Variants in CHM observed in about 807,000 individuals in gnomAD.
CHM encodes the protein rab proteins geranylgeranyltransferase component A 1.
In CHM, 10 loss-of-function variants were observed where a neutral mutation model predicts 49.0. That is an observed-to-expected ratio of 0.20 (90% CI 0.13 to 0.35). The LOEUF (loss-of-function observed/expected upper bound fraction) is 0.35. Among genes scored for constraint, CHM ranks in the 10% least tolerant of loss-of-function variants. The pLI, the probability that CHM is intolerant of heterozygous loss-of-function variation, is 1.00. For missense variants in CHM, 455 were observed against 478.4 expected, an observed-to-expected ratio of 0.95 and a Z score of 0.46; for synonymous variants, 184 against 167.5, an observed-to-expected ratio of 1.10 and a Z score of -0.76.
chrX:85,997,281 T>A (rs1932483361), intron 2 of CHM, among the ~76,000 whole-genome samples: 1 of 111,331 alleles, frequency 9.0e-6, no homozygotes, highest in South Asian at 3.8e-4. Context: ...CAGTTTATAA[T>A]ATAAAATTTG....
intron 1 of CHM, among the ~76,000 whole-genome samples, chrX:86,045,059 A>G (rs1245145902): frequency 8.9e-6 from 1 of 112,348 alleles, no homozygotes; most frequent in African/African-American, 3.2e-5. Context: ...ATTATCTTCC[A>G]TGATTATACT....
At chrX:85,887,625 C>T (rs985690302) in intron 12 of CHM, among the ~76,000 whole-genome samples, 1 of 111,226 alleles carries the variant, frequency 9.0e-6, no homozygotes, top group Non-Finnish European at 1.9e-5. Flanking sequence ...CAGAAGAAGA[C>T]AGGAAAATGT....
chrX:86,016,843 C>T (rs185747526), intron 2 of CHM, among the ~76,000 whole-genome samples: 36 of 111,728 alleles, frequency 3.2e-4, no homozygotes, highest in African/African-American at 1.0e-3. Context: ...ACAGCTTGCA[C>T]GTTCACCTGG....
At chrX:86,025,116 A>G (rs1933751359) in intron 2 of CHM, among the ~76,000 whole-genome samples, 1 of 111,424 alleles carries the variant, frequency 9.0e-6, no homozygotes, top group Admixed American at 9.6e-5. Flanking sequence ...GATGTGGGAG[A>G]ATCAATACCT....
Position 85,930,731 on chromosome X carries a change from C to T in CHM, c.1167-19393G>A, listed in dbSNP as rs151299760. Among the ~76,000 whole-genome samples, 883 of 111,665 alleles carry T rather than the reference C, an allele frequency of 7.9e-3. 6 individuals carry two copies. Among genetic ancestry groups the T allele is most frequent in the African/African-American group, 0.026 (808 of 30,778 alleles). On this transcript the variant is annotated intron_variant, in intron 8 of 14. Transcript: ENST00000357749. ...ACAAAGAGACAGAGAGACGCTTTCC[C>T]ATAACTTAATTTCTCCAACTTATGG...
intron 1 of CHM, among the ~76,000 whole-genome samples, chrX:86,040,922 T>C (rs1934432080): frequency 8.9e-6 from 1 of 112,278 alleles, no homozygotes; most frequent in Non-Finnish European, 1.9e-5. Flanking sequence ...TTAGCCTATT[T>C]TACTTTTAAA....
intron 1 of CHM, among the ~76,000 whole-genome samples, chrX:86,036,597 T>C (rs1934254987): frequency 8.9e-6 from 1 of 111,766 alleles, no homozygotes; most frequent in South Asian, 3.8e-4. Context: ...GTATTCTCTA[T>C]AGAATGTGGA....
At chrX:85,935,344 G>T (rs1928719019) in intron 8 of CHM, among the ~76,000 whole-genome samples, 1 of 111,406 alleles carries the variant, frequency 9.0e-6, no homozygotes, top group Non-Finnish European at 1.9e-5. Flanking sequence ...AACACTGGGG[G>T]ATCAAATTTC....
chrX:85,973,462 T>G (rs1017271983), intron 4 of CHM, among the ~76,000 whole-genome samples: 1 of 110,567 alleles, frequency 9.0e-6, no homozygotes, highest in Non-Finnish European at 1.9e-5. Flanking sequence ...TATAAAGTAA[T>G]TTTTACATGA....
chrX:85,903,867 G>A (rs1926430703), intron 9 of CHM, among the ~76,000 whole-genome samples: 1 of 110,928 alleles, frequency 9.0e-6, no homozygotes. Context: ...TCTCAGTCTG[G>A]TAGATGATAA....
At chrX:86,008,438 C>A (rs991142592) in intron 2 of CHM, among the ~76,000 whole-genome samples, 2 of 111,153 alleles carry the variant, frequency 1.8e-5, no homozygotes, top group Admixed American at 1.9e-4. Context: ...ATGTTCATGG[C>A]ACCTATATTT....
Position 85,894,681 on chromosome X carries a change from A to G in CHM, c.1414-397T>C, listed in dbSNP as rs75992067. ...ATATTCAGATTAGGGACATTCAACT[A>G]GTACACTCCAAAATCTGAAAAAATC... On this transcript the variant is annotated intron_variant, in intron 11 of 14. Coordinates refer to ENST00000357749, the MANE Select transcript of CHM (RefSeq NM_000390.4). 3.9e-3 allele frequency among the ~76,000 whole-genome samples: 438 copies of G among 111,588 alleles called. 2 individuals carry two copies. The East Asian group carries it at 0.052, about 13-fold the overall frequency.
At chrX:86,020,420 G>A (rs1415530414) in intron 2 of CHM, among the ~76,000 whole-genome samples, 3 of 108,970 alleles carry the variant, frequency 2.8e-5, no homozygotes, top group African/African-American at 1.0e-4. Flanking sequence ...CCAATATGAT[G>A]CTCAAAAGAA....
At chrX:85,936,027 C>T (rs1389536110) in intron 8 of CHM, among the ~76,000 whole-genome samples, 3 of 111,681 alleles carry the variant, frequency 2.7e-5, no homozygotes, top group Non-Finnish European at 3.8e-5. Flanking sequence ...TATGTGCCTA[C>T]CAAAGTTCTA....
intron 11 of CHM, among the ~76,000 whole-genome samples, chrX:85,899,288 A>G (rs1356171311): frequency 2.7e-5 from 3 of 111,361 alleles, no homozygotes; most frequent in Non-Finnish European, 5.7e-5. Context: ...TGAAATGAAC[A>G]ATGGTGGTAA....
rs372213887 is a variant in CHM, at chrX:85,981,820, TAA to T, written c.117-13_117-12del. 2,287 of 924,316 alleles carry T rather than the reference TAA, an allele frequency of 2.5e-3. No individual in the cohort carries two copies. Among genetic ancestry groups the T allele is most frequent in the Non-Finnish European group, 2.7e-3 (1,871 of 691,950 alleles). 76.2% of individuals were successfully genotyped at this position (924,316 alleles called of 1,213,427 possible). A position where few individuals can be genotyped will look rare whatever the true frequency, so the allele number is the denominator to read the frequency against. On this transcript the variant is annotated splice_polypyrimidine_tract_variant and intron_variant, in intron 2 of 14. Coordinates refer to ENST00000357749, the MANE Select transcript of CHM (RefSeq NM_000390.4). ...CCATAGTAGCTTCTTCTGTAACAAT[TAA>T]AAAAAAAAAAAAAAGTAAAGAAAAT... is the stretch of plus-strand genomic sequence containing the variant.
chrX:85,865,082 T>C (rs1923601698), intron 14 of CHM, among the ~76,000 whole-genome samples: 1 of 111,404 alleles, frequency 9.0e-6, no homozygotes, highest in South Asian at 3.8e-4. Flanking sequence ...AGTGTTCAGA[T>C]TGTTGAGAAC....
At position 85,928,992 on chromosome X, in the gene CHM, A is replaced by G. The variant is rs148088181; in HGVS notation, c.1167-17654T>C. Among the ~76,000 whole-genome samples, 179 of 112,369 alleles carry G rather than the reference A, an allele frequency of 1.6e-3. 2 individuals are homozygous for G. The highest frequency in any genetic ancestry group is 5.5e-3 in the African/African-American group (169 of 30,959). On this transcript the variant is annotated intron_variant, in intron 8 of 14. Coordinates refer to ENST00000357749, the MANE Select transcript of CHM (RefSeq NM_000390.4). ...CAAAGCTGTTGAGTCATACAACTAT[A>G]TAAAAGCAATAAAGCAAATTAAATA...
intron 2 of CHM, among the ~76,000 whole-genome samples, chrX:86,016,522 C>T (rs971887134): frequency 4.4e-5 from 5 of 112,515 alleles, no homozygotes; most frequent in Admixed American, 9.3e-5. Flanking sequence ...AAGCTCAGGC[C>T]GTGGCTTCAG....
Sources: gnomAD v4.1 joint callset for allele counts (sites outside exome capture counted in the v4.1 genomes callset) on GRCh38, gnomAD v4.1.1 for gene constraint, MANE v1.5 for transcripts, NCBI Gene and HGNC (gene_info 2026-07-23, HGNC 2026-07-21) for gene names.